Variants in FBXW4 observed in about 807,000 individuals in gnomAD.
FBXW4 encodes the protein F-box/WD repeat-containing protein 4.
In FBXW4, 40 loss-of-function variants were observed where a neutral mutation model predicts 61.8. The observed-to-expected ratio is 0.65, with a 90% CI of 0.50 to 0.84. FBXW4 has a LOEUF of 0.84. FBXW4 is among the 40% of genes least tolerant of loss of function. The probability of loss-of-function intolerance (pLI) is 0.00; values close to 1 mark genes in which losing one functional copy is unlikely to be tolerated. For missense variants in FBXW4, 672 were observed against 753.8 expected, an observed-to-expected ratio of 0.89 and a Z score of 1.27; for synonymous variants, 311 against 313.8, an observed-to-expected ratio of 0.99 and a Z score of 0.10.
At chr10:101,675,575 A>G (rs2064399877) in intron 2 of FBXW4, among the ~76,000 whole-genome samples, 1 of 152,212 alleles carries the variant, frequency 6.6e-6, no homozygotes, top group Non-Finnish European at 1.5e-5. Context: ...CAGTGAAACC[A>G]GTGCAAACTG....
chr10:101,614,118 T>G (rs1404887439), intron 6 of FBXW4, among the ~76,000 whole-genome samples: 1 of 152,218 alleles, frequency 6.6e-6, no homozygotes, highest in Non-Finnish European at 1.5e-5. Context: ...ACAGGTATAC[T>G]GGGTGCATGC....
chr10:101,612,433 GC>G lies in FBXW4; in HGVS notation c.1345del (p.Ala449LeufsTer84). ...THLGSDFPPG[A>X]GVLDVMYESP... is the part of the protein sequence containing the mutation. ...CTCATACATGACATCCAGCACCCCAGCCCCTGGGGGAAAGTCACTGCCCAAG... is the reference window on the plus strand; with the variant it reads ...CTCATACATGACATCCAGCACCCCAGCCCTGGGGGAAAGTCACTGCCCAAG... On this transcript the variant is annotated frameshift_variant, in exon 7 of 9. Transcript: ENST00000331272. LOFTEE classifies it high-confidence loss of function. The G allele has an allele frequency of 6.3e-7, 1 of 1,594,812 alleles. No individual in the cohort carries two copies. Among genetic ancestry groups the G allele is most frequent in the African/African-American group, 1.3e-5 (1 of 74,682 alleles).
intron 6 of FBXW4, among the ~76,000 whole-genome samples, chr10:101,617,239 G>T (rs17696300): frequency 6.6e-6 from 1 of 152,108 alleles, no homozygotes; most frequent in Admixed American, 6.5e-5. Context: ...CAGGGGTCAC[G>T]CACCTAGTAA....
At chr10:101,660,794 G>C (rs577433105) in intron 5 of FBXW4, among the ~76,000 whole-genome samples, 8 of 152,314 alleles carry the variant, frequency 5.3e-5, no homozygotes, top group Admixed American at 1.3e-4. Flanking sequence ...GTGGGAGGAA[G>C]AGAAAGATGA....
chr10:101,615,114 C>CA (rs2063816426), intron 6 of FBXW4, among the ~76,000 whole-genome samples: 1 of 152,156 alleles, frequency 6.6e-6, no homozygotes, highest in Non-Finnish European at 1.5e-5. Flanking sequence ...GGTGACCCCC[C>CA]AAATTCAGAC....
intron 2 of FBXW4, among the ~76,000 whole-genome samples, chr10:101,675,849 T>C (rs1290976623): frequency 1.3e-5 from 2 of 152,214 alleles, no homozygotes; most frequent in African/African-American, 4.8e-5. Flanking sequence ...TCCTGTAACA[T>C]ATATATCCAA....
chr10:101,630,505 T>C (rs533189227), intron 5 of FBXW4, among the ~76,000 whole-genome samples: 2 of 152,298 alleles, frequency 1.3e-5, no homozygotes, highest in Admixed American at 1.3e-4. Flanking sequence ...CATTAGAACA[T>C]GTCAGGTCTC....
At chr10:101,658,546 G>A (rs2064212932) in intron 5 of FBXW4, among the ~76,000 whole-genome samples, 1 of 152,094 alleles carries the variant, frequency 6.6e-6, no homozygotes, top group Non-Finnish European at 1.5e-5. Context: ...CTTCGTCTGG[G>A]TGGCAGGGGG....
intron 5 of FBXW4, among the ~76,000 whole-genome samples, chr10:101,664,319 T>C (rs187842605): frequency 6.6e-6 from 1 of 152,218 alleles, no homozygotes; most frequent in East Asian, 1.9e-4. Context: ...AAGAAAGAGA[T>C]AAATTGAGAA....
chr10:101,615,649 C>G (rs1185506376), intron 6 of FBXW4, among the ~76,000 whole-genome samples: 1 of 152,172 alleles, frequency 6.6e-6, no homozygotes, highest in African/African-American at 2.4e-5. Context: ...GGTGACTCTA[C>G]TGCAGCTGGA....
intron 1 of FBXW4, among the ~76,000 whole-genome samples, chr10:101,679,797 G>A (rs1366869655): frequency 6.6e-6 from 1 of 152,042 alleles, no homozygotes; most frequent in Non-Finnish European, 1.5e-5. Context: ...TGGATGAATT[G>A]TACAATGATG....
intron 5 of FBXW4, among the ~76,000 whole-genome samples, chr10:101,644,938 T>C (rs1279226981): frequency 1.3e-5 from 2 of 152,170 alleles, no homozygotes; most frequent in African/African-American, 4.8e-5. Flanking sequence ...GGGGCAATCA[T>C]GGCCATGGGC....
intron 1 of FBXW4, among the ~76,000 whole-genome samples, chr10:101,682,838 GA>G (rs76575159): frequency 0.029 from 4,042 of 139,464 alleles, 177 homozygotes; most frequent in African/African-American, 0.095. Context: ...TTTAGACTTT[GA>G]AAAAAAAAAA....
Position 101,611,115 on chromosome 10 carries a change from G to T in FBXW4, c.*176C>A. On this transcript the variant is annotated 3_prime_UTR_variant, in exon 9 of 9. Coordinates refer to ENST00000331272, the MANE Select transcript of FBXW4 (RefSeq NM_022039.4). This position sits in a 1 kb window ranked among gnomAD's most constrained non-coding sequence, Gnocchi z 4.9. ...GTTCCTGGGAGGGACTGCATCTCTGGTAAGCTCCAAAGTCCCAGGAGTCAG... is the reference window on the plus strand; with the variant it reads ...GTTCCTGGGAGGGACTGCATCTCTGTTAAGCTCCAAAGTCCCAGGAGTCAG... 1.3e-6 allele frequency: 1 copy of T among 757,022 alleles called. No homozygotes were observed. The highest frequency in any genetic ancestry group is 1.9e-5 in the South Asian group (1 of 52,162). 46.9% of individuals were successfully genotyped at this position (757,022 alleles called of 1,614,324 possible).
chr10:101,612,412 T>C lies in FBXW4; in HGVS notation c.1367A>G (p.Tyr456Cys). The change falls in exon 7 of 9, where the codon TAT becomes TGT. Residue 456 changes from tyrosine to cysteine, a missense_variant. Coordinates refer to ENST00000331272, the MANE Select transcript of FBXW4 (RefSeq NM_022039.4). ...GGACAGCAGTGTGAAAGGGGACTCA[T>C]ACATGACATCCAGCACCCCAGCCCC... is the stretch of plus-strand genomic sequence containing the variant. ...PPGAGVLDVMYESPFTLLSCG... is the reference protein window; with the variant it reads ...PPGAGVLDVMCESPFTLLSCG... The C allele has an allele frequency of 6.3e-7, 1 of 1,599,876 alleles. No homozygotes were observed. The highest frequency in any genetic ancestry group is 8.5e-7 in the Non-Finnish European group (1 of 1,172,870).
chr10:101,669,682 T>C (rs1211765653), intron 4 of FBXW4, among the ~76,000 whole-genome samples: 1 of 151,926 alleles, frequency 6.6e-6, no homozygotes, highest in African/African-American at 2.4e-5. Flanking sequence ...TTGACAACAA[T>C]ATGCTGATCC....
At chr10:101,662,298 C>T (rs1313224704) in intron 5 of FBXW4, among the ~76,000 whole-genome samples, 1 of 152,176 alleles carries the variant, frequency 6.6e-6, no homozygotes, top group East Asian at 1.9e-4. Context: ...GAACAGTACA[C>T]AGTGATTGCT....
At chr10:101,662,715 G>A (rs2064255797) in intron 5 of FBXW4, among the ~76,000 whole-genome samples, 2 of 152,234 alleles carry the variant, frequency 1.3e-5, no homozygotes, top group Middle Eastern at 3.4e-3. Flanking sequence ...TGTCTGCAGA[G>A]GGACGAGGAG....
At chr10:101,679,318 A>G (rs2064448455) in intron 1 of FBXW4, among the ~76,000 whole-genome samples, 1 of 152,238 alleles carries the variant, frequency 6.6e-6, no homozygotes, top group South Asian at 2.1e-4. Flanking sequence ...TATGCCAGGC[A>G]CTGTTTTCAT....
Sources: allele counts gnomAD v4.1 joint callset (sites outside exome capture counted in the v4.1 genomes callset), GRCh38; gene constraint gnomAD v4.1.1; non-coding constraint Gnocchi (gnomAD v3.1); transcripts MANE v1.5; gene names NCBI Gene and HGNC (gene_info 2026-07-23, HGNC 2026-07-21).